The following RIMS2 variants were observed in gnomAD, a reference collection of about 807,000 sequenced individuals.
RIMS2 encodes the protein regulating synaptic membrane exocytosis protein 2.
In RIMS2, 59 loss-of-function variants were observed where a neutral mutation model predicts 174.4. That is an observed-to-expected ratio of 0.34 (90% confidence interval 0.27 to 0.42). The LOEUF (loss-of-function observed/expected upper bound fraction) is 0.42. Among genes scored for constraint, RIMS2 ranks in the 10% least tolerant of loss-of-function variants. The pLI is 1.00. For missense variants in RIMS2, 1,620 were observed against 1,666.3 expected (o/e 0.97, Z 0.48); for synonymous variants, 606 against 572.5 (o/e 1.06, Z -0.84).
intron 3 of RIMS2, among the ~76,000 whole-genome samples, chr8:103,854,980 T>C (rs575829335): frequency 6.6e-6 from 1 of 152,226 alleles, no homozygotes; most frequent in African/African-American, 2.4e-5. Context: ...TGTGAATTCA[T>C]CTGGTCCAGG....
At chr8:104,029,554 A>G (rs1384658519) in intron 19 of RIMS2, among the ~76,000 whole-genome samples, 1 of 152,100 alleles carries the variant, frequency 6.6e-6, no homozygotes, top group African/African-American at 2.4e-5. Context: ...ATTTATGGTT[A>G]TTGGAACTTT....
At chr8:103,756,381 G>T (rs1341972581) in intron 2 of RIMS2, among the ~76,000 whole-genome samples, 4 of 127,696 alleles carry the variant, frequency 3.1e-5, no homozygotes, top group African/African-American at 8.9e-5. Flanking sequence ...TGTTGTTGTT[G>T]TTGTTTTTGT....
At chr8:103,940,142 G>C (rs1303148318) in intron 13 of RIMS2, among the ~76,000 whole-genome samples, 1 of 152,014 alleles carries the variant, frequency 6.6e-6, no homozygotes, top group African/African-American at 2.4e-5. Flanking sequence ...TATTGTATTA[G>C]TTCGTTTTCA....
Position 104,183,738 on chromosome 8 carries a change from C to A in RIMS2, c.3335-61178C>A, listed in dbSNP as rs1020532872. 1.2e-4 allele frequency among the ~76,000 whole-genome samples: 18 copies of A among 151,498 alleles called. No individual in the cohort carries two copies. In the South Asian group the frequency reaches 3.1e-3, roughly 26 times the overall value. ...TAAAATAATATGATTTTATCTTCTG[C>A]CCCTAAGATCTACAACTTTTGTCAT... On this transcript the variant is annotated intron_variant, in intron 19 of 23. Coordinates refer to ENST00000504942, the Ensembl canonical transcript of RIMS2.
rs200878422 is a variant in RIMS2, at chr8:103,885,504, G to C, written c.905G>C (p.Arg302Thr). ...AGGGACTCCAACAGGAGAAGTCATA[G>C]GCATTCCAAAGAATATATTGTAGAT... The change falls in exon 4 of 24, where the codon AGG becomes ACG. Residue 302 changes from arginine to threonine, a missense_variant. Coordinates refer to ENST00000504942, the Ensembl canonical transcript of RIMS2. 4.3e-6 allele frequency: 7 copies of C among 1,612,608 alleles called. No individual in the cohort carries two copies. In the Admixed American group the frequency reaches 5.0e-5, roughly 12 times the overall value.
intron 19 of RIMS2, among the ~76,000 whole-genome samples, chr8:104,164,064 G>A (rs1303587369): frequency 1.3e-5 from 2 of 152,104 alleles, no homozygotes; most frequent in African/African-American, 4.8e-5. Context: ...AAAGGTAGGG[G>A]AACAGCGGCC....
chr8:104,000,692 C>G (rs1465260840), intron 17 of RIMS2, among the ~76,000 whole-genome samples: 3 of 151,740 alleles, frequency 2.0e-5, no homozygotes, highest in Non-Finnish European at 3.0e-5. Context: ...ACAAGCACTC[C>G]CCTTTCTCTT....
chr8:103,688,381 C>T (rs890147119), intron 1 of RIMS2, among the ~76,000 whole-genome samples: 10 of 151,978 alleles, frequency 6.6e-5, no homozygotes, highest in African/African-American at 1.9e-4. Flanking sequence ...GTTCTGTTAA[C>T]GTGGTGTATC....
chr8:103,628,666 G>T (rs1028720135), intron 1 of RIMS2, among the ~76,000 whole-genome samples: 1 of 151,052 alleles, frequency 6.6e-6, no homozygotes, highest in Non-Finnish European at 1.5e-5. Context: ...ACTGTGGCTG[G>T]CCCTTGGGGT....
At chr8:103,954,639 A>G (rs957069165) in intron 14 of RIMS2, among the ~76,000 whole-genome samples, 1 of 152,226 alleles carries the variant, frequency 6.6e-6, no homozygotes, top group African/African-American at 2.4e-5. Flanking sequence ...AAATGCCCAC[A>G]AGAGAAAGCA....
At chr8:103,940,601 A>C (rs1595534659) in intron 13 of RIMS2, among the ~76,000 whole-genome samples, 2 of 152,112 alleles carry the variant, frequency 1.3e-5, no homozygotes, top group African/African-American at 2.4e-5. Context: ...AAGAGTGGTA[A>C]AACTAAAAAC....
intron 19 of RIMS2, among the ~76,000 whole-genome samples, chr8:104,076,152 G>A (rs1006474200): frequency 6.6e-6 from 1 of 152,184 alleles, no homozygotes; most frequent in African/African-American, 2.4e-5. Context: ...AATTGCACGA[G>A]ATGCTAATGG....
chr8:104,151,125 A>T (rs1202512466), intron 19 of RIMS2, among the ~76,000 whole-genome samples: 1 of 152,216 alleles, frequency 6.6e-6, no homozygotes, highest in Admixed American at 6.5e-5. Context: ...GATTCAGGGA[A>T]TTTTTAAAGA....
intron 1 of RIMS2, among the ~76,000 whole-genome samples, chr8:103,580,194 C>A (rs899409753): frequency 6.6e-6 from 1 of 151,940 alleles, no homozygotes; most frequent in African/African-American, 2.4e-5. Context: ...CCAATTATAA[C>A]CTTGAATGTA....
At chr8:103,539,751 C>G (rs1841651415) in intron 1 of RIMS2, among the ~76,000 whole-genome samples, 1 of 152,200 alleles carries the variant, frequency 6.6e-6, no homozygotes, top group Non-Finnish European at 1.5e-5. Flanking sequence ...AAGGAAATGT[C>G]CTCTCTTCCA....
intron 19 of RIMS2, among the ~76,000 whole-genome samples, chr8:104,063,334 T>C (rs2097040080): frequency 6.6e-6 from 1 of 152,122 alleles, no homozygotes; most frequent in Non-Finnish European, 1.5e-5. Context: ...TTTTCTAACC[T>C]CAAATTATTT....
chr8:103,837,641 T>C (rs970615363), intron 3 of RIMS2, among the ~76,000 whole-genome samples: 1 of 152,334 alleles, frequency 6.6e-6, no homozygotes, highest in East Asian at 1.9e-4. Flanking sequence ...GATAGTTTGC[T>C]GAGAATGATG....
intron 1 of RIMS2, among the ~76,000 whole-genome samples, chr8:103,656,058 G>A (rs140393587): frequency 9.2e-5 from 14 of 152,212 alleles, no homozygotes; most frequent in African/African-American, 2.6e-4. Context: ...TGATTACAGT[G>A]AATACAGTGA....
chr8:103,755,353 C>T (rs1458294342), intron 2 of RIMS2, among the ~76,000 whole-genome samples: 1 of 152,110 alleles, frequency 6.6e-6, no homozygotes, highest in Non-Finnish European at 1.5e-5. Flanking sequence ...TCTCTGGCTT[C>T]CCTTAATATT....
Sources: gnomAD v4.1 joint callset for allele counts (sites outside exome capture counted in the v4.1 genomes callset) on GRCh38, gnomAD v4.1.1 for gene constraint, MANE v1.5 for transcripts, NCBI Gene and HGNC (gene_info 2026-07-23, HGNC 2026-07-21) for gene names.